The following ZNF217 variants were observed in gnomAD, a reference collection of about 807,000 sequenced individuals.
The protein encoded by ZNF217 is zinc finger protein 217.
A neutral mutation model predicts 73.3 loss-of-function variants in ZNF217; 12 were observed. The ratio of observed to expected loss-of-function variants is 0.16; its 90% CI spans 0.10 to 0.27. The LOEUF is 0.27. Ranked by LOEUF, ZNF217 falls within the 10% of genes least tolerant of loss-of-function variation. The pLI is 1.00. For missense variants in ZNF217, 1,195 were observed against 1,327.8 expected (o/e 0.90, Z 1.55); for synonymous variants, 588 against 516.4 (o/e 1.14, Z -1.88).
chr20:53,575,419 G>A (rs1204400870), intron 4 of ZNF217: 4 of 237,924 alleles, frequency 1.7e-5, no homozygotes, highest in African/African-American at 9.1e-5. Context: ...ACTACAGTAA[G>A]CTATGATTAC....
At chr20:53,583,689 CACAT>C (rs1988593708) in intron 1 of ZNF217, among the ~76,000 whole-genome samples, 1 of 152,230 alleles carries the variant, frequency 6.6e-6, no homozygotes. Context: ...AGAGATTTTG[CACAT>C]ACAGAGGTCA....
At chr20:53,589,974 A>C (rs1477479427) in intron 1 of ZNF217, among the ~76,000 whole-genome samples, 10 of 141,024 alleles carry the variant, frequency 7.1e-5, no homozygotes, top group Admixed American at 4.5e-4. Flanking sequence ...AGTTTAATTT[A>C]CATGCTGTAA....
upstream of ZNF217, among the ~76,000 whole-genome samples, chr20:53,594,061 TCCCCCA>T (rs1306029165): frequency 3.3e-5 from 4 of 123,058 alleles, no homozygotes; most frequent in Non-Finnish European, 5.1e-5. Flanking sequence ...AAAAGGAGCG[TCCCCCA>T]CCCCCACCCC....
intron 1 of ZNF217, among the ~76,000 whole-genome samples, chr20:53,586,427 T>C (rs1988694917): frequency 6.6e-6 from 1 of 152,074 alleles, no homozygotes; most frequent in African/African-American, 2.4e-5. Flanking sequence ...AAAAATCGTA[T>C]TTAATCACAC....
Position 53,569,278 on chromosome 20 carries a change from C to T in ZNF217, c.*24-14G>A, listed in dbSNP as rs759835234. ...ATCCACCAAGACCTAAGGAAAACAA[C>T]ATTTTTTAAATGATTAAGATCAAAA... On this transcript the variant is annotated splice_polypyrimidine_tract_variant and intron_variant, in intron 5 of 5. Transcript: ENST00000371471. The T allele has an allele frequency of 4.7e-6, 6 of 1,289,970 alleles. No homozygotes were observed. Among genetic ancestry groups the T allele is most frequent in the Non-Finnish European group, 6.1e-6 (6 of 990,754 alleles). The allele number at this position is 1,289,970 out of a possible 1,614,324, so 79.9% of individuals were successfully genotyped here.
chr20:53,580,195 C>T (rs555283933), intron 2 of ZNF217, among the ~76,000 whole-genome samples: 42 of 152,310 alleles, frequency 2.8e-4, no homozygotes, highest in African/African-American at 8.9e-4. Flanking sequence ...ACAGTTCTCA[C>T]GTCAATCACA....
chr20:53,586,800 T>C (rs1988710594), intron 1 of ZNF217, among the ~76,000 whole-genome samples: 1 of 152,172 alleles, frequency 6.6e-6, no homozygotes, highest in South Asian at 2.1e-4. Flanking sequence ...AACACAAGCC[T>C]TCCCAGAAGC....
chr20:53,573,304 G>T (rs1019000510), intron 4 of ZNF217, among the ~76,000 whole-genome samples: 1 of 152,004 alleles, frequency 6.6e-6, no homozygotes, highest in Non-Finnish European at 1.5e-5. Context: ...TGTATTTTTA[G>T]CAGAGACGAG....
At position 53,570,971 on chromosome 20, in the gene ZNF217, G is replaced by A. The variant is rs558596617; in HGVS notation, c.*23+750C>T. Among the ~76,000 whole-genome samples, 151 of 152,256 alleles carry A rather than the reference G, an allele frequency of 9.9e-4. No homozygotes were observed. In the Middle Eastern group the frequency reaches 0.01, roughly 10 times the overall value. On this transcript the variant is annotated intron_variant, in intron 5 of 5. Coordinates refer to ENST00000371471, the MANE Select transcript of ZNF217 (RefSeq NM_006526.3). ...TGGGTCACAAACTTTTTCTGTAAAG[G>A]GCCAGACGGTAAATAGTTTCAGCTT...
At chr20:53,589,524 CT>C (rs1988810818) in intron 1 of ZNF217, among the ~76,000 whole-genome samples, 1 of 152,200 alleles carries the variant, frequency 6.6e-6, no homozygotes, top group Non-Finnish European at 1.5e-5. Flanking sequence ...GGCTTCCCCC[CT>C]ATTTATCTGG....
chr20:53,585,041 T>C lies in ZNF217; in HGVS notation c.-342-1873A>G, dbSNP rs574754622. ...TGGCAATAGGCAATAGTGGAGTTTT[T>C]TGGTTTTTTTTTTAATGTCCTTATT... On this transcript the variant is annotated intron_variant, in intron 1 of 5. Coordinates refer to ENST00000371471, the MANE Select transcript of ZNF217 (RefSeq NM_006526.3). Among the ~76,000 whole-genome samples the C allele has an allele frequency of 3.1e-4, 47 of 150,458 alleles. No individual in the cohort carries two copies. The East Asian group carries it at 9.0e-3, about 29-fold the overall frequency.
intron 1 of ZNF217, among the ~76,000 whole-genome samples, chr20:53,592,389 G>A (rs1334940920): frequency 1.2e-5 from 1 of 82,804 alleles, no homozygotes; most frequent in African/African-American, 5.9e-5. Context: ...CTGGGGGGTG[G>A]GGGGAAAGAA....
upstream of ZNF217, among the ~76,000 whole-genome samples, chr20:53,595,074 C>T (rs1600735800): frequency 6.7e-6 from 1 of 148,952 alleles, no homozygotes. Flanking sequence ...AACCGCTACC[C>T]TTTCCCCTCC....
rs1987815815 is a variant in ZNF217, at chr20:53,567,938, ATT to A, written c.*1348_*1349del. The A allele has an allele frequency of 6.6e-6, 1 of 152,632 alleles. No homozygotes were observed. The highest frequency in any genetic ancestry group is 1.5e-5 in the Non-Finnish European group (1 of 68,020). 9.5% of individuals were successfully genotyped at this position (152,632 alleles called of 1,614,324 possible). On this transcript the variant is annotated 3_prime_UTR_variant, in exon 6 of 6. Transcript: ENST00000371471. Reference sequence around the variant, plus strand: ...TTTTGAAACAGTTTCTTAATAAAATATTTTGTGGTCACTAAGCCCATGTACTA... The same window carrying A: ...TTTTGAAACAGTTTCTTAATAAAATATTGTGGTCACTAAGCCCATGTACTA...
In ZNF217 at chr20:53,581,491, C is replaced by CAGA. The variant is rs1988481440; in HGVS notation, c.1333_1335dup (p.Ser445dup). 1 of 1,612,320 alleles carries CAGA rather than the reference C, an allele frequency of 6.2e-7. No homozygotes were observed. The highest frequency in any genetic ancestry group is 8.5e-7 in the Non-Finnish European group (1 of 1,178,650). On this transcript the variant is annotated inframe_insertion, in exon 2 of 6. Transcript: ENST00000371471. The surrounding 1 kb of genome is among the most constrained non-coding windows in gnomAD (Gnocchi z 4.9). Reference sequence around the variant, plus strand: ...TGGATTCCTTCGGGAAGCCCATCCTCAGATCCGTCTTCAGAACCACCTTCC... The same window carrying CAGA: ...TGGATTCCTTCGGGAAGCCCATCCTCAGAAGATCCGTCTTCAGAACCACCTTCC...
rs1464347549 is a variant in ZNF217, at chr20:53,581,550, G to A, written c.1277C>T (p.Ala426Val). The A allele has an allele frequency of 1.9e-6, 3 of 1,614,214 alleles. No homozygotes were observed. Among genetic ancestry groups the A allele is most frequent in the Non-Finnish European group, 2.5e-6 (3 of 1,180,028 alleles). ...QPGTCSPDLAAPLDENGAVDR... is the reference protein window; with the variant it reads ...QPGTCSPDLAVPLDENGAVDR... The stretch of plus-strand genomic sequence containing the variant: ...CACGGCTCCATTTTCATCCAGAGGG[G>A]CGGCGAGGTCAGGAGAACACGTCCC... The change falls in exon 2 of 6, where the codon GCC (alanine) becomes GTC (valine). Residue 426 changes from alanine to valine, a missense_variant. Transcript: ENST00000371471. This position sits in a 1 kb window ranked among gnomAD's most constrained non-coding sequence, Gnocchi z 4.9.
chr20:53,596,080 T>G (rs1989036384), upstream of ZNF217, among the ~76,000 whole-genome samples: 1 of 152,174 alleles, frequency 6.6e-6, no homozygotes, highest in South Asian at 2.1e-4. Flanking sequence ...CAAATAATCG[T>G]TTCAGTAAGA....
In ZNF217 at chr20:53,581,551, C is replaced by T. The variant is rs1988487422; in HGVS notation, c.1276G>A (p.Ala426Thr). Residue 426 changes from alanine (A) to threonine (T), a missense_variant, in exon 2 of 6, where the codon GCC becomes ACC. Transcript: ENST00000371471. The surrounding 1 kb of genome is among the most constrained non-coding windows in gnomAD (Gnocchi z 4.9). The part of the protein sequence containing the change: ...QPGTCSPDLA[A>T]PLDENGAVDR... ...ACGGCTCCATTTTCATCCAGAGGGGCGGCGAGGTCAGGAGAACACGTCCCC... is the reference window on the plus strand; with the variant it reads ...ACGGCTCCATTTTCATCCAGAGGGGTGGCGAGGTCAGGAGAACACGTCCCC... 2.5e-6 allele frequency: 4 copies of T among 1,614,080 alleles called. No homozygotes were observed. The highest frequency in any genetic ancestry group is 2.7e-5 in the African/African-American group (2 of 74,936).
upstream of ZNF217, among the ~76,000 whole-genome samples, chr20:53,595,696 T>C (rs1472823244): frequency 5.3e-5 from 8 of 152,242 alleles, no homozygotes; most frequent in African/African-American, 1.4e-4. Flanking sequence ...TCCACTGATA[T>C]TGATCACTTT....
Sources: gnomAD v4.1 joint callset for allele counts (sites outside exome capture counted in the v4.1 genomes callset) on GRCh38, gnomAD v4.1.1 for gene constraint, Gnocchi (gnomAD v3.1) non-coding constraint, MANE v1.5 for transcripts, NCBI Gene and HGNC (gene_info 2026-07-23, HGNC 2026-07-21) for gene names.